The following KIDINS220 variants were observed in gnomAD, a reference collection of about 807,000 sequenced individuals.
The protein encoded by KIDINS220 is kinase D interacting substrate 220.
In KIDINS220, 63 loss-of-function variants were observed where a neutral mutation model predicts 157.6. The ratio of observed to expected loss-of-function variants is 0.40; its 90% CI spans 0.33 to 0.49. The LOEUF is 0.49. KIDINS220 is among the 20% of genes least tolerant of loss of function. The pLI is 0.66. For missense variants in KIDINS220, 1,772 were observed against 2,171.2 expected, an observed-to-expected ratio of 0.82 and a Z score of 3.65; for synonymous variants, 732 against 783.6, an observed-to-expected ratio of 0.93 and a Z score of 1.10.
downstream of KIDINS220, among the ~76,000 whole-genome samples, chr2:8,726,369 A>G (rs575217455): frequency 1.3e-5 from 2 of 152,344 alleles, no homozygotes; most frequent in African/African-American, 4.8e-5. Context: ...CAAGGCTGTG[A>G]TTGGCTAATC....
At position 8,744,234 on chromosome 2, in the gene KIDINS220, A is replaced by G. The variant is rs1008452080; in HGVS notation, c.3585+2911T>C. Among the ~76,000 whole-genome samples the G allele has an allele frequency of 1.2e-4, 17 of 144,184 alleles. 1 individual carries two copies. The highest frequency in any genetic ancestry group is 1.1e-3 in the Admixed American group (16 of 14,324). The allele number at this position is 144,184 out of a possible 152,430, so 94.6% of individuals were successfully genotyped here. A position where few individuals can be genotyped will look rare whatever the true frequency, so the allele number is the denominator to read the frequency against. Reference sequence around the variant, plus strand: ...TTCTGTGAAACACTTGGATATATCTATAATTTATCTGACAAGTCCCTCCCT... The same window carrying G: ...TTCTGTGAAACACTTGGATATATCTGTAATTTATCTGACAAGTCCCTCCCT... On this transcript the variant is annotated intron_variant, in intron 26 of 29. Coordinates refer to ENST00000256707, the MANE Select transcript of KIDINS220 (RefSeq NM_020738.4).
At chr2:8,813,553 T>A (rs1676627035) in intron 4 of KIDINS220, among the ~76,000 whole-genome samples, 1 of 152,222 alleles carries the variant, frequency 6.6e-6, no homozygotes, top group Non-Finnish European at 1.5e-5. Flanking sequence ...AAGTTTATAA[T>A]ATATTATGAA....
intron 1 of KIDINS220, among the ~76,000 whole-genome samples, chr2:8,836,877 C>T (rs1161924132): frequency 6.6e-6 from 1 of 152,166 alleles, no homozygotes; most frequent in Non-Finnish European, 1.5e-5. Context: ...CGGTTTAAAC[C>T]TGTCAACTTG....
At chr2:8,777,019 A>C in intron 20 of KIDINS220, 127 bp from the exon 21 acceptor site, 52 of 921,164 alleles carry the variant, frequency 5.6e-5, no homozygotes, top group Non-Finnish European at 7.9e-5. Flanking sequence ...GAGGAATATC[A>C]TACAGTAATA....
Position 8,764,447 on chromosome 2 carries a change from T to C in KIDINS220, c.3011+6223A>G, listed in dbSNP as rs537394378. ...TCCACCAGACCATGGCATTCATAAA[T>C]GGATTATGAATGTAAGAAACCTTAG... is the stretch of plus-strand genomic sequence containing the variant. On this transcript the variant is annotated intron_variant, in intron 22 of 29. Transcript: ENST00000256707. Among the ~76,000 whole-genome samples, 4 of 152,238 alleles carry C rather than the reference T, an allele frequency of 2.6e-5. No homozygotes were observed. In the East Asian group the frequency reaches 7.7e-4, roughly 29 times the overall value.
At chr2:8,779,578 AC>A (rs746119104) in intron 18 of KIDINS220, 95 bp downstream of exon 18, 2 of 1,355,454 alleles carry the variant, frequency 1.5e-6, no homozygotes, top group Non-Finnish European at 2.0e-6. Context: ...TCAAACAAAA[AC>A]CAATTCCGTT....
At chr2:8,734,150 A>C (rs1664536914) in intron 28 of KIDINS220, among the ~76,000 whole-genome samples, 1 of 139,626 alleles carries the variant, frequency 7.2e-6, no homozygotes, top group Admixed American at 7.3e-5. Flanking sequence ...AACATTACTA[A>C]GGGGAGGCAG....
Position 8,770,753 on chromosome 2 carries a change from T to C in KIDINS220, c.2928A>G (p.Pro976=). 6.2e-7 allele frequency: 1 copy of C among 1,612,252 alleles called. No homozygotes were observed. The change falls in exon 22 of 30, where the codon CCA becomes CCG. Residue 976 remains proline (P), a synonymous_variant. Transcript: ENST00000256707. ...ATAATATGAGCCATGAAGTCCGGTA[T>C]GGCCACTGCTCAGTAAGGTTGATCC... ...ASWINLTEQW[P]YRTSWLILYL... is the part of the protein sequence containing the mutation.
intron 2 of KIDINS220, 43 bp downstream of exon 2, chr2:8,826,943 C>A (rs1238074284): frequency 1.7e-6 from 2 of 1,152,376 alleles, no homozygotes; most frequent in Non-Finnish European, 2.6e-6. Flanking sequence ...AGGCAGTCAA[C>A]AAATATTTGT....
chr2:8,734,219 T>TG (rs900989122), intron 28 of KIDINS220, among the ~76,000 whole-genome samples: 12 of 147,184 alleles, frequency 8.2e-5, no homozygotes, highest in African/African-American at 3.0e-4. Context: ...CACCTGGGGG[T>TG]GGGGGGGTTA....
intron 6 of KIDINS220, among the ~76,000 whole-genome samples, chr2:8,809,317 G>A (rs1326191524): frequency 1.3e-5 from 2 of 152,014 alleles, no homozygotes; most frequent in Admixed American, 6.6e-5. Context: ...CACTGCACTC[G>A]GCCACCTATG....
intron 8 of KIDINS220, among the ~76,000 whole-genome samples, chr2:8,800,990 C>G (rs1558450645): frequency 6.6e-6 from 1 of 152,180 alleles, no homozygotes; most frequent in African/African-American, 2.4e-5. Context: ...GTTCCCCGAG[C>G]AGCATCCATG....
In KIDINS220 at chr2:8,818,349, C is replaced by T. The variant is rs545256552; in HGVS notation, c.207+346G>A. Among the ~76,000 whole-genome samples, 3 of 152,068 alleles carry T rather than the reference C, an allele frequency of 2.0e-5. No homozygotes were observed. The East Asian group carries it at 5.8e-4, about 29-fold the overall frequency. ...TCAGAAGGGACCATATATTCCTGGC[C>T]ATTATCGCATGTAATGATATTATTT... is the stretch of plus-strand genomic sequence containing the variant. On this transcript the variant is annotated intron_variant, in intron 3 of 29. Coordinates refer to ENST00000256707, the MANE Select transcript of KIDINS220 (RefSeq NM_020738.4).
Position 8,770,813 on chromosome 2 carries a change from A to T in KIDINS220, c.2868T>A (p.Asn956Lys), listed in dbSNP as rs1670107040. ...GCCTGTCCCAGTTGAAACTAATCTG[A>T]TTGGCTCTCAGTAATCGTCCTTTTA... ...VSVTGRLLRA[N>K]QISFNWDRLA... Residue 956 changes from asparagine (N) to lysine (K), a missense_variant, in exon 22 of 30, where the codon AAT (asparagine) becomes AAA (lysine). Physicochemically the swap from Asn to Lys is moderately conservative, Grantham distance 94 (BLOSUM62 0). Transcript: ENST00000256707. The T allele has an allele frequency of 3.1e-6, 5 of 1,604,636 alleles. No individual in the cohort carries two copies. Among genetic ancestry groups the T allele is most frequent in the Non-Finnish European group, 2.6e-6 (3 of 1,175,990 alleles).
At chr2:8,738,433 T>C (rs1442566708) in intron 26 of KIDINS220, among the ~76,000 whole-genome samples, 1 of 152,224 alleles carries the variant, frequency 6.6e-6, no homozygotes, top group Admixed American at 6.5e-5. Context: ...AATAAAACTT[T>C]ACAGGCTGAA....
At chr2:8,794,111 C>G (rs1347820638) in intron 11 of KIDINS220, 124 bp from the exon 12 acceptor site, 3 of 659,026 alleles carry the variant, frequency 4.6e-6, no homozygotes, top group Non-Finnish European at 7.1e-6. Context: ...ATATAAAGCA[C>G]ATATATAATA....
rs554282123 is a variant in KIDINS220, at chr2:8,730,647, G to A, written c.*73C>T. 21 of 1,528,600 alleles carry A rather than the reference G, an allele frequency of 1.4e-5. No individual in the cohort carries two copies. In the South Asian group the frequency reaches 1.7e-4, roughly 12 times the overall value. The allele number at this position is 1,528,600 out of a possible 1,614,324, so 94.7% of individuals were successfully genotyped here. On this transcript the variant is annotated 3_prime_UTR_variant, in exon 30 of 30. Transcript: ENST00000256707. ...AGCAAAATGTAGAAAGGTGATGGGC[G>A]TGGATGGAGTCAAAATCCAGGACAA... is the stretch of plus-strand genomic sequence containing the variant.
At chr2:8,734,878 C>G (rs917182184) in intron 27 of KIDINS220, 125 bp from the exon 28 acceptor site, 2 of 591,478 alleles carry the variant, frequency 3.4e-6, no homozygotes, top group East Asian at 6.0e-5. Context: ...AAAGGCTGAC[C>G]AAAAAAAAGG....
At chr2:8,736,032 C>G (rs985639533) in intron 27 of KIDINS220, among the ~76,000 whole-genome samples, 1 of 152,182 alleles carries the variant, frequency 6.6e-6, no homozygotes, top group Non-Finnish European at 1.5e-5. Context: ...GGGACTAGCA[C>G]GAGCCAGCTC....
Sources: gnomAD v4.1 joint callset for allele counts (sites outside exome capture counted in the v4.1 genomes callset) on GRCh38, gnomAD v4.1.1 for gene constraint, MANE v1.5 for transcripts, NCBI Gene and HGNC (gene_info 2026-07-23, HGNC 2026-07-21) for gene names.